CSMD1: variants seen among roughly 807,000 people sequenced by gnomAD.
CSMD1 encodes CUB and Sushi multiple domains 1.
Under a neutral mutation model 417.5 loss-of-function variants are expected in CSMD1, and 213 were observed. That is an observed-to-expected ratio of 0.51 (90% CI 0.46 to 0.57). The LOEUF is 0.57. Ranked by LOEUF, CSMD1 falls within the 20% of genes least tolerant of loss-of-function variation. The probability of loss-of-function intolerance (pLI) is 0.00; values close to 1 mark genes in which losing one functional copy is unlikely to be tolerated. For missense variants in CSMD1, 6,923 were observed against 4,529.7 expected, an observed-to-expected ratio of 1.53 and a Z score of -15.17; for synonymous variants, 2,862 against 1,736.8, an observed-to-expected ratio of 1.65 and a Z score of -16.11.
At chr8:3,266,406 G>C (rs1246241896) in intron 26 of CSMD1, among the ~76,000 whole-genome samples, 2 of 151,644 alleles carry the variant, frequency 1.3e-5, no homozygotes, top group Non-Finnish European at 2.9e-5. Flanking sequence ...AGGAGATTGA[G>C]ACCAGCCTGG....
At chr8:4,816,794 A>G (rs1799232388) in intron 1 of CSMD1, among the ~76,000 whole-genome samples, 1 of 152,144 alleles carries the variant, frequency 6.6e-6, no homozygotes, top group Non-Finnish European at 1.5e-5. Context: ...ACAGGAAAAG[A>G]TGGGAGAGAT....
intron 7 of CSMD1, among the ~76,000 whole-genome samples, chr8:3,670,647 GATATATACATGGGAT>G (rs1179411918): frequency 5.6e-5 from 7 of 124,396 alleles, no homozygotes; most frequent in African/African-American, 2.0e-4. Context: ...ATATATGAAG[GATATATACATGGGAT>G]ATATGTACAT....
At chr8:4,071,794 G>C (rs752852032) in intron 3 of CSMD1, among the ~76,000 whole-genome samples, 16 of 152,130 alleles carry the variant, frequency 1.1e-4, no homozygotes, top group Non-Finnish European at 1.9e-4. Context: ...AGGAAATTAA[G>C]TTAGTTGCAT....
intron 1 of CSMD1, among the ~76,000 whole-genome samples, chr8:4,933,966 T>C (rs1807428146): frequency 6.6e-6 from 1 of 152,152 alleles, no homozygotes; most frequent in South Asian, 2.1e-4. Context: ...GCCCACACAG[T>C]CACTCTCACT....
chr8:4,374,387 A>G (rs572571519), intron 3 of CSMD1, among the ~76,000 whole-genome samples: 1 of 152,212 alleles, frequency 6.6e-6, no homozygotes, highest in Non-Finnish European at 1.5e-5. Context: ...GTAATAATAA[A>G]AAGAAAGTCA....
At chr8:4,611,822 A>G (rs190810586) in intron 2 of CSMD1, among the ~76,000 whole-genome samples, 17 of 152,272 alleles carry the variant, frequency 1.1e-4, no homozygotes, top group East Asian at 3.9e-4. Flanking sequence ...ATTTAACCTC[A>G]GCTTAAAATG....
intron 41 of CSMD1, among the ~76,000 whole-genome samples, chr8:3,141,883 C>G (rs538367119): frequency 6.6e-6 from 1 of 151,602 alleles, no homozygotes; most frequent in Admixed American, 6.6e-5. Context: ...CTGCAAGCTC[C>G]GCCTCCCGGG....
intron 49 of CSMD1, among the ~76,000 whole-genome samples, chr8:3,064,405 G>A (rs1812784795): frequency 6.6e-6 from 1 of 152,094 alleles, no homozygotes; most frequent in Admixed American, 6.6e-5. Context: ...ATGTGAAGAA[G>A]GGACTTGCTT....
At chr8:4,563,609 A>C (rs1310389295) in intron 2 of CSMD1, among the ~76,000 whole-genome samples, 1 of 152,198 alleles carries the variant, frequency 6.6e-6, no homozygotes, top group African/African-American at 2.4e-5. Flanking sequence ...CATCTCTTTA[A>C]AACAATTAAA....
At position 3,684,773 on chromosome 8, in the gene CSMD1, G is replaced by A. The variant is rs370076643; in HGVS notation, c.1009+23641C>T. 2.2e-4 allele frequency among the ~76,000 whole-genome samples: 34 copies of A among 152,014 alleles called. No homozygotes were observed. In the East Asian group the frequency reaches 5.4e-3, roughly 24 times the overall value. On this transcript the variant is annotated intron_variant, in intron 7 of 69. Coordinates refer to ENST00000635120, the MANE Select transcript of CSMD1 (RefSeq NM_033225.6). ...TTTTAAAATAGAGTCAGAGCTTGAC[G>A]GCAGCCTAATTTTAGTCACCCTCAT...
intron 2 of CSMD1, among the ~76,000 whole-genome samples, chr8:4,491,897 T>C (rs1801722422): frequency 6.6e-6 from 1 of 152,198 alleles, no homozygotes; most frequent in Non-Finnish European, 1.5e-5. Flanking sequence ...TGAAAAGTTA[T>C]GTTCACACAA....
At chr8:4,122,882 T>G (rs544570125) in intron 3 of CSMD1, among the ~76,000 whole-genome samples, 1 of 152,294 alleles carries the variant, frequency 6.6e-6, no homozygotes, top group Non-Finnish European at 1.5e-5. Flanking sequence ...AGGCAACTCC[T>G]GAAGAAACTA....
intron 3 of CSMD1, among the ~76,000 whole-genome samples, chr8:4,275,126 A>G (rs1796401342): frequency 6.6e-6 from 1 of 152,314 alleles, no homozygotes; most frequent in South Asian, 2.1e-4. Context: ...AAGATAACCA[A>G]TGATAGTCAA....
intron 3 of CSMD1, among the ~76,000 whole-genome samples, chr8:4,095,835 A>G (rs1321213840): frequency 6.6e-6 from 1 of 152,194 alleles, no homozygotes; most frequent in East Asian, 1.9e-4. Flanking sequence ...TTGCATTGGA[A>G]TGTATTTAAA....
At chr8:4,161,556 C>G (rs1266404811) in intron 3 of CSMD1, among the ~76,000 whole-genome samples, 3 of 152,174 alleles carry the variant, frequency 2.0e-5, no homozygotes, top group Non-Finnish European at 2.9e-5. Flanking sequence ...TACTACTTGA[C>G]ATTGTTTTGG....
chr8:3,578,098 A>G (rs1048163406), intron 9 of CSMD1, among the ~76,000 whole-genome samples: 2 of 152,210 alleles, frequency 1.3e-5, no homozygotes, highest in Non-Finnish European at 2.9e-5. Flanking sequence ...AGAAGAGCCA[A>G]CATACAGTCC....
chr8:4,744,197 T>C (rs531178469), intron 1 of CSMD1, among the ~76,000 whole-genome samples: 1 of 152,186 alleles, frequency 6.6e-6, no homozygotes, highest in African/African-American at 2.4e-5. Context: ...AGGGACTGAC[T>C]GACGGTCACC....
chr8:4,790,495 T>G (rs1357169319), intron 1 of CSMD1, among the ~76,000 whole-genome samples: 2 of 152,178 alleles, frequency 1.3e-5, no homozygotes, highest in Non-Finnish European at 2.9e-5. Flanking sequence ...AAAATTTATT[T>G]GGAACCAAAA....
In CSMD1 at chr8:3,068,972, G is replaced by C. The variant is rs999493726; in HGVS notation, c.7475-16325C>G. Among the ~76,000 whole-genome samples, 4 of 152,104 alleles carry C rather than the reference G, an allele frequency of 2.6e-5. No individual in the cohort carries two copies. In the South Asian group the frequency reaches 8.3e-4, roughly 31 times the overall value. On this transcript the variant is annotated intron_variant, in intron 49 of 69. Transcript: ENST00000635120. ...CATGTCTTCCCAACAGAAGCCAAAA[G>C]TTCATAACTCATTCCAGTATTAAGC...
Sources: allele counts gnomAD v4.1 joint callset (sites outside exome capture counted in the v4.1 genomes callset), GRCh38; gene constraint gnomAD v4.1.1; transcripts MANE v1.5; gene names NCBI Gene and HGNC (gene_info 2026-07-23, HGNC 2026-07-21).